Variants in ETV6 observed in about 807,000 individuals in gnomAD.
ETV6 encodes the protein ETS variant transcription factor 6, also known as transcription factor ETV6.
In ETV6, 16 loss-of-function variants were observed where a neutral mutation model predicts 51.1. The observed-to-expected ratio is 0.31, with a 90% confidence interval of 0.21 to 0.48. The LOEUF is 0.48. Among genes scored for constraint, ETV6 ranks in the 20% least tolerant of loss-of-function variants. ETV6 has a pLI of 0.99. For missense variants in ETV6, 458 were observed against 594.8 expected, an observed-to-expected ratio of 0.77 and a Z score of 2.39; for synonymous variants, 240 against 224.1, an observed-to-expected ratio of 1.07 and a Z score of -0.64.
At chr12:11,882,599 A>C (rs908729952) in intron 5 of ETV6, among the ~76,000 whole-genome samples, 3 of 152,206 alleles carry the variant, frequency 2.0e-5, no homozygotes, top group African/African-American at 7.2e-5. Flanking sequence ...AGTACCTACA[A>C]ATAGCACCCA....
At chr12:11,710,506 G>A (rs568477801) in intron 1 of ETV6, among the ~76,000 whole-genome samples, 2 of 152,264 alleles carry the variant, frequency 1.3e-5, no homozygotes, top group Admixed American at 6.5e-5. Flanking sequence ...GTGAGAAAAT[G>A]GCAAGAAAGT....
chr12:11,778,025 A>G (rs964631506), intron 2 of ETV6, among the ~76,000 whole-genome samples: 1 of 152,190 alleles, frequency 6.6e-6, no homozygotes, highest in African/African-American at 2.4e-5. Flanking sequence ...TTAAGCATTT[A>G]TGAATGGGTG....
In ETV6 at chr12:11,685,374, C is replaced by CAG. The variant is rs1864608746; in HGVS notation, c.33+35215_33+35216insGA. 1.3e-5 allele frequency among the ~76,000 whole-genome samples: 2 copies of CAG among 150,656 alleles called. 1 individual carries two copies. The highest frequency in any genetic ancestry group is 4.2e-4 in the South Asian group (2 of 4,766). ...AATGGAAAATTCAGGCTACTTAAATCACGCCTTTGAAACCTAGAAACCCTT... is the reference window on the plus strand; with the variant it reads ...AATGGAAAATTCAGGCTACTTAAATCAGACGCCTTTGAAACCTAGAAACCCTT... On this transcript the variant is annotated intron_variant, in intron 1 of 7. Transcript: ENST00000396373.
At chr12:11,736,857 T>G (rs1180405686) in intron 1 of ETV6, among the ~76,000 whole-genome samples, 1 of 152,230 alleles carries the variant, frequency 6.6e-6, no homozygotes, top group Non-Finnish European at 1.5e-5. Context: ...GATGAATTTG[T>G]GTTGGCACTA....
chr12:11,655,977 G>T (rs1417918420), intron 1 of ETV6, among the ~76,000 whole-genome samples: 1 of 152,208 alleles, frequency 6.6e-6, no homozygotes, highest in Non-Finnish European at 1.5e-5. Flanking sequence ...ACCAGTTGTA[G>T]CTTACAGCTA....
intron 4 of ETV6, among the ~76,000 whole-genome samples, chr12:11,854,756 C>A (rs1027257376): frequency 6.6e-6 from 1 of 151,680 alleles, no homozygotes; most frequent in African/African-American, 2.4e-5. Flanking sequence ...AGTTTTTTAG[C>A]AAGGGGTAAT....
At chr12:11,848,326 C>G (rs1946494919) in intron 3 of ETV6, among the ~76,000 whole-genome samples, 1 of 152,134 alleles carries the variant, frequency 6.6e-6, no homozygotes, top group African/African-American at 2.4e-5. Context: ...AAGAGAGGAA[C>G]AAGATTCAAA....
At chr12:11,827,054 TAG>T (rs976344527) in intron 2 of ETV6, among the ~76,000 whole-genome samples, 1 of 142,806 alleles carries the variant, frequency 7.0e-6, no homozygotes, top group Admixed American at 7.2e-5. Context: ...TAGAATAGAA[TAG>T]AGAGAAGTCT....
intron 1 of ETV6, among the ~76,000 whole-genome samples, chr12:11,712,852 G>A (rs1375525695): frequency 6.6e-6 from 1 of 152,230 alleles, no homozygotes; most frequent in African/African-American, 2.4e-5. Flanking sequence ...CCTCGCAGGA[G>A]TTTGTGAGCA....
intron 1 of ETV6, among the ~76,000 whole-genome samples, chr12:11,691,716 G>A (rs76091398): frequency 0.082 from 12,498 of 152,218 alleles, 1,053 homozygotes; most frequent in African/African-American, 0.22. Flanking sequence ...ATCATGAGCC[G>A]ATTATACACA....
chr12:11,887,478 G>A (rs1458898550), intron 7 of ETV6, among the ~76,000 whole-genome samples: 1 of 151,962 alleles, frequency 6.6e-6, no homozygotes, highest in African/African-American at 2.4e-5. Flanking sequence ...GGCCGGGCAT[G>A]ATGGCTCACA....
Position 11,694,232 on chromosome 12 carries a change from C to G in ETV6, c.33+44072C>G, listed in dbSNP as rs1200264527. Among the ~76,000 whole-genome samples, 3 of 152,198 alleles carry G rather than the reference C, an allele frequency of 2.0e-5. No homozygotes were observed. In the East Asian group the frequency reaches 5.8e-4, roughly 29 times the overall value. On this transcript the variant is annotated intron_variant, in intron 1 of 7. Transcript: ENST00000396373. ...CATTTGGTAAACCTTGGTTTGAACT[C>G]TACCCCTGCTGCTTCTGACCTCTGT...
At chr12:11,724,520 T>C (rs1865452490) in intron 1 of ETV6, among the ~76,000 whole-genome samples, 1 of 152,202 alleles carries the variant, frequency 6.6e-6, no homozygotes, top group African/African-American at 2.4e-5. Context: ...GAAAGTCTAC[T>C]ATATGCCGGT....
intron 3 of ETV6, among the ~76,000 whole-genome samples, chr12:11,849,396 C>T (rs1408509400): frequency 1.1e-4 from 16 of 152,184 alleles, no homozygotes; most frequent in East Asian, 9.7e-4. Flanking sequence ...ATAGGTGTGA[C>T]GCACAGCACC....
At chr12:11,885,717 A>C (rs1440922839) in intron 6 of ETV6, among the ~76,000 whole-genome samples, 2 of 152,224 alleles carry the variant, frequency 1.3e-5, no homozygotes, top group Non-Finnish European at 2.9e-5. Flanking sequence ...CCTTAGGAGT[A>C]AACCTTGGTG....
At position 11,649,942 on chromosome 12, in the gene ETV6, C is replaced by T. The variant is rs1360696290; in HGVS notation, c.-186C>T. The T allele has an allele frequency of 2.9e-6, 1 of 343,508 alleles. No homozygotes were observed. The highest frequency in any genetic ancestry group is 2.2e-5 in the African/African-American group (1 of 45,938). 21.3% of individuals were successfully genotyped at this position (343,508 alleles called of 1,614,324 possible). A position where few individuals can be genotyped will look rare whatever the true frequency, so the allele number is the denominator to read the frequency against. ...CCCACGCCCCCGCCGCCCCGCGCGCCCAACTCCGCCGGCCGCCCCGCCCCG... is the reference window on the plus strand; with the variant it reads ...CCCACGCCCCCGCCGCCCCGCGCGCTCAACTCCGCCGGCCGCCCCGCCCCG... On this transcript the variant is annotated 5_prime_UTR_variant, in exon 1 of 8. Transcript: ENST00000396373.
At chr12:11,875,242 A>G (rs1946964958) in intron 5 of ETV6, among the ~76,000 whole-genome samples, 1 of 152,212 alleles carries the variant, frequency 6.6e-6, no homozygotes, top group African/African-American at 2.4e-5. Flanking sequence ...AACTGTTATT[A>G]AGAATTTACC....
intron 1 of ETV6, among the ~76,000 whole-genome samples, chr12:11,738,307 CTTTTTTTTT>C (rs59241338): frequency 2.6e-5 from 3 of 114,012 alleles, no homozygotes; most frequent in Non-Finnish European, 3.5e-5. Flanking sequence ...TTTGTTTTTG[CTTTTTTTTT>C]TTTTTTTTTT....
At chr12:11,773,435 A>G (rs565665504) in intron 2 of ETV6, among the ~76,000 whole-genome samples, 11 of 152,302 alleles carry the variant, frequency 7.2e-5, no homozygotes, top group South Asian at 4.1e-4. Flanking sequence ...GGAGAGGTTG[A>G]ATTTGAGAAC....
Sources: gnomAD v4.1 joint callset for allele counts (sites outside exome capture counted in the v4.1 genomes callset) on GRCh38, gnomAD v4.1.1 for gene constraint, MANE v1.5 for transcripts, NCBI Gene and HGNC (gene_info 2026-07-23, HGNC 2026-07-21) for gene names.